ASPRV1: variants seen among roughly 807,000 people sequenced by gnomAD.
ASPRV1 encodes the protein retroviral-like aspartic protease 1.
Under a neutral mutation model 11.0 loss-of-function variants are expected in ASPRV1, and 7 were observed. That is an observed-to-expected ratio of 0.64 (90% confidence interval 0.36 to 1.20). The LOEUF (loss-of-function observed/expected upper bound fraction) is 1.20. ASPRV1 is among the 50% of genes most tolerant of loss of function. ASPRV1 has a pLI of 0.02. For missense variants in ASPRV1, 299 were observed against 320.0 expected (o/e 0.93, Z 0.50); for synonymous variants, 136 against 138.4 (o/e 0.98, Z 0.12).
At chr2:70,016,392 G>A in the ASPRV1 span, 5 of 152,138 alleles carry the variant, frequency 3.3e-5, no homozygotes, top group Non-Finnish European at 7.4e-5. Context: ...CCTCAATAAG[G>A]CCAGGTGCAA....
At chr2:70,085,641 G>A in the ASPRV1 span, 3 of 152,034 alleles carry the variant, frequency 2.0e-5, no homozygotes, top group Non-Finnish European at 4.4e-5. Context: ...AAAAGAGAGA[G>A]AGAGAGAGAG....
At chr2:70,039,599 T>C in the ASPRV1 span, among the ~76,000 whole-genome samples, 1 of 152,308 alleles carries the variant, frequency 6.6e-6, no homozygotes, top group East Asian at 1.9e-4. Context: ...GAGGTGCCAA[T>C]TACTCTGCTT....
the ASPRV1 span, among the ~76,000 whole-genome samples, chr2:69,948,204 C>T: frequency 3.8e-4 from 58 of 152,184 alleles, no homozygotes; most frequent in African/African-American, 1.3e-3. Flanking sequence ...GTCACGATTG[C>T]ACCACCGCAC....
downstream of ASPRV1, among the ~76,000 whole-genome samples, chr2:69,955,229 C>A (rs1677911838): frequency 6.6e-6 from 1 of 152,200 alleles, no homozygotes. Flanking sequence ...GGTCACCTCC[C>A]TGGAGCGTGG....
the ASPRV1 span, among the ~76,000 whole-genome samples, chr2:70,039,247 G>C: frequency 3.3e-5 from 5 of 152,108 alleles, no homozygotes; most frequent in Non-Finnish European, 7.4e-5. Flanking sequence ...CCAAACCTTT[G>C]ATAAAGTCTG....
At chr2:69,974,180 A>G in the ASPRV1 span, among the ~76,000 whole-genome samples, 1 of 152,084 alleles carries the variant, frequency 6.6e-6, no homozygotes, top group Non-Finnish European at 1.5e-5. Context: ...TCTAATAACA[A>G]TACAAAATTA....
chr2:70,080,688 TTC>T, the ASPRV1 span, among the ~76,000 whole-genome samples: 3 of 152,310 alleles, frequency 2.0e-5, no homozygotes, highest in Non-Finnish European at 4.4e-5. Context: ...GCCTTTAACT[TTC>T]TGTGCTCTAG....
At position 69,960,458 on chromosome 2, in the gene ASPRV1, C is replaced by G. The variant is rs1225763711; in HGVS notation, c.*199G>C. ...GTCCCTCTAAGCCAGCCTGCTCTCC[C>G]TCACCTGTGCCTGTTCAGTGGAAGC... On this transcript the variant is annotated 3_prime_UTR_variant, in exon 1 of 1. Transcript: ENST00000320256. The G allele has an allele frequency of 3.3e-6, 2 of 597,288 alleles. No homozygotes were observed. The highest frequency in any genetic ancestry group is 2.8e-5 in the East Asian group (1 of 35,952). 37.0% of individuals were successfully genotyped at this position (597,288 alleles called of 1,614,324 possible).
chr2:69,956,992 G>A (rs1369192248), downstream of ASPRV1, among the ~76,000 whole-genome samples: 1 of 152,154 alleles, frequency 6.6e-6, no homozygotes, highest in Non-Finnish European at 1.5e-5. Context: ...GATTAAAGGA[G>A]ATGAAAGAGA....
chr2:69,945,189 T>C, the ASPRV1 span, among the ~76,000 whole-genome samples: 1 of 152,094 alleles, frequency 6.6e-6, no homozygotes, highest in African/African-American at 2.4e-5. Context: ...CTTTGAGCTA[T>C]GATTGTACCA....
the ASPRV1 span, chr2:70,031,050 G>C: frequency 6.6e-6 from 1 of 152,068 alleles, no homozygotes; most frequent in Admixed American, 6.6e-5. Flanking sequence ...TTAGAATAGG[G>C]GTATCGGATT....
At chr2:70,068,752 G>A in the ASPRV1 span, among the ~76,000 whole-genome samples, 1 of 150,750 alleles carries the variant, frequency 6.6e-6, no homozygotes, top group East Asian at 1.9e-4. Context: ...TGACCAACAT[G>A]GAGAAAACGC....
At chr2:70,085,982 T>G in the ASPRV1 span, 1 of 152,196 alleles carries the variant, frequency 6.6e-6, no homozygotes, top group Admixed American at 6.5e-5. Context: ...GGACCCAAAT[T>G]ATCCCTTGAT....
chr2:70,006,793 A>T, the ASPRV1 span, among the ~76,000 whole-genome samples: 2 of 152,242 alleles, frequency 1.3e-5, no homozygotes, highest in South Asian at 4.2e-4. Flanking sequence ...TAGCGCTATT[A>T]ATGTGTAAAA....
chr2:70,035,802 A>G, the ASPRV1 span, among the ~76,000 whole-genome samples: 1 of 151,728 alleles, frequency 6.6e-6, no homozygotes, highest in African/African-American at 2.4e-5. Context: ...GATCTCTATC[A>G]GCTAGCAAAT....
the ASPRV1 span, among the ~76,000 whole-genome samples, chr2:70,026,391 T>G: frequency 6.9e-6 from 1 of 145,482 alleles, no homozygotes; most frequent in Non-Finnish European, 1.5e-5. Flanking sequence ...AAAAAAGAAA[T>G]AAAGGGCATC....
chr2:70,020,196 AT>A, the ASPRV1 span, among the ~76,000 whole-genome samples: 8 of 152,194 alleles, frequency 5.3e-5, no homozygotes, highest in Non-Finnish European at 1.2e-4. Context: ...TCCTCAAATA[AT>A]TAAAAATATA....
chr2:70,030,876 G>A, the ASPRV1 span: 1 of 152,180 alleles, frequency 6.6e-6, no homozygotes, highest in East Asian at 1.9e-4. Flanking sequence ...TATGCTGAAT[G>A]CCACATACCA....
chr2:69,964,622 T>C (rs1357973383), upstream of ASPRV1: 4 of 257,254 alleles, frequency 1.6e-5, no homozygotes, highest in African/African-American at 6.7e-5. Context: ...TGGTTAATTA[T>C]TGACAAGTAT....
Sources: gnomAD v4.1 joint callset for allele counts (sites outside exome capture counted in the v4.1 genomes callset) on GRCh38, gnomAD v4.1.1 for gene constraint, MANE v1.5 for transcripts, NCBI Gene and HGNC (gene_info 2026-07-23, HGNC 2026-07-21) for gene names.